Variants in SLC49A4 observed in about 807,000 individuals in gnomAD.
SLC49A4 encodes disrupted in renal cancer protein 2.
Under a neutral mutation model 50.6 loss-of-function variants are expected in SLC49A4, and 36 were observed. The observed-to-expected ratio is 0.71, with a 90% confidence interval of 0.55 to 0.94. SLC49A4 has a LOEUF of 0.94. Ranked by LOEUF, SLC49A4 falls within the 40% of genes least tolerant of loss-of-function variation. The probability of loss-of-function intolerance (pLI) is 0.00; values close to 1 mark genes in which losing one functional copy is unlikely to be tolerated. For synonymous variants in SLC49A4, 248 were observed against 241.2 expected (o/e 1.03, Z -0.26); for missense variants, 503 against 605.7 (o/e 0.83, Z 1.78).
intron 4 of SLC49A4, among the ~76,000 whole-genome samples, chr3:122,839,131 A>G (rs1416032737): frequency 2.0e-5 from 3 of 152,230 alleles, no homozygotes; most frequent in South Asian, 4.1e-4. Flanking sequence ...ATACAAAAAC[A>G]TAAATTGGAG....
rs556602174 is a variant in SLC49A4, at chr3:122,837,963, A to G, written c.833+4517A>G. On this transcript the variant is annotated intron_variant, in intron 4 of 8. Coordinates refer to ENST00000261038, the MANE Select transcript of SLC49A4 (RefSeq NM_032839.3). ...CCAAAAAACACATGAAAAAATGCTC[A>G]TCATCACTGGCCATCAGAGAAATGC... Among the ~76,000 whole-genome samples, 32 of 152,320 alleles carry G rather than the reference A, an allele frequency of 2.1e-4. No individual in the cohort carries two copies. The South Asian group carries it at 6.0e-3, about 29-fold the overall frequency.
At chr3:122,798,323 CT>C (rs145374258) in intron 1 of SLC49A4, among the ~76,000 whole-genome samples, 7,662 of 152,186 alleles carry the variant, frequency 0.05, 265 homozygotes, top group Middle Eastern at 0.097. Context: ...AATTTGCACC[CT>C]TCTTATTATA....
chr3:122,838,311 A>G (rs1246892898), intron 4 of SLC49A4, among the ~76,000 whole-genome samples: 8 of 152,128 alleles, frequency 5.3e-5, no homozygotes, highest in South Asian at 4.1e-4. Flanking sequence ...CAACCTAAAT[A>G]TCCAACAACG....
chr3:122,795,423 C>T lies in SLC49A4; in HGVS notation c.231C>T (p.Asn77=). Residue 77 remains asparagine (N), a synonymous_variant, in exon 1 of 9, where the codon AAC becomes AAT. Coordinates refer to ENST00000261038, the MANE Select transcript of SLC49A4 (RefSeq NM_032839.3). ...GGAACACCTGGGGTCCCATCCAGAA[C>T]TCGGCGCGCCAGGCCTACGGCTTCT... The part of the protein sequence containing the change: ...LVWNTWGPIQ[N]SARQAYGFSS... The T allele has an allele frequency of 1.9e-6, 3 of 1,608,074 alleles. No individual in the cohort carries two copies. The highest frequency in any genetic ancestry group is 1.7e-6 in the Non-Finnish European group (2 of 1,179,022).
chr3:122,871,730 C>G (rs1937199236), intron 7 of SLC49A4, among the ~76,000 whole-genome samples: 2 of 152,004 alleles, frequency 1.3e-5, no homozygotes, highest in Admixed American at 1.3e-4. Context: ...TAGTATATTT[C>G]CCCAGACTTT....
chr3:122,857,005 T>C lies in SLC49A4; in HGVS notation c.1010+631T>C, dbSNP rs553962165. On this transcript the variant is annotated intron_variant, in intron 6 of 8. Transcript: ENST00000261038. ...CAAATGGAGACCAAAAAAGGTAATA[T>C]AATAATAAAGACAAATTAATAGCTG... is the stretch of plus-strand genomic sequence containing the variant. Among the ~76,000 whole-genome samples the C allele has an allele frequency of 2.0e-5, 3 of 152,068 alleles. No homozygotes were observed. The South Asian group carries it at 6.2e-4, about 32-fold the overall frequency.
intron 2 of SLC49A4, among the ~76,000 whole-genome samples, chr3:122,809,104 C>G (rs1027491768): frequency 1.3e-5 from 2 of 152,096 alleles, no homozygotes; most frequent in African/African-American, 4.8e-5. Context: ...ATTTCAGGGA[C>G]AAGATGTTGA....
chr3:122,875,475 C>T (rs1207754714), intron 8 of SLC49A4, among the ~76,000 whole-genome samples: 2 of 152,112 alleles, frequency 1.3e-5, no homozygotes, highest in Admixed American at 1.3e-4. Flanking sequence ...CTCAGCCTCC[C>T]AAGTAGCTGG....
chr3:122,879,513 G>A lies in SLC49A4; in HGVS notation c.*135G>A. Reference sequence around the variant, plus strand: ...CATTCAGAGGTTTTGTTAGGTTACAGATTATCACATTAATTTAATTACTAC... The same window carrying A: ...CATTCAGAGGTTTTGTTAGGTTACAAATTATCACATTAATTTAATTACTAC... On this transcript the variant is annotated 3_prime_UTR_variant, in exon 9 of 9. Transcript: ENST00000261038. 1.5e-6 allele frequency: 1 copy of A among 666,324 alleles called. No individual in the cohort carries two copies. The highest frequency in any genetic ancestry group is 2.6e-6 in the Non-Finnish European group (1 of 386,212). The allele number at this position is 666,324 out of a possible 1,614,324, so 41.3% of individuals were successfully genotyped here. A position where few individuals can be genotyped will look rare whatever the true frequency, so the allele number is the denominator to read the frequency against.
At chr3:122,832,717 G>A (rs1936623562) in intron 3 of SLC49A4, among the ~76,000 whole-genome samples, 1 of 152,002 alleles carries the variant, frequency 6.6e-6, no homozygotes, top group Non-Finnish European at 1.5e-5. Context: ...GACAACATTT[G>A]TTTACTTCCT....
intron 2 of SLC49A4, among the ~76,000 whole-genome samples, chr3:122,809,035 G>C (rs1418802326): frequency 6.6e-6 from 1 of 152,070 alleles, no homozygotes; most frequent in Non-Finnish European, 1.5e-5. Context: ...TTCACTCGAG[G>C]GACTCTGAAA....
chr3:122,851,291 G>C (rs1936921975), intron 5 of SLC49A4, among the ~76,000 whole-genome samples: 1 of 152,000 alleles, frequency 6.6e-6, no homozygotes, highest in Non-Finnish European at 1.5e-5. Flanking sequence ...GCACCCATTA[G>C]TGTTTTTGTT....
chr3:122,838,638 A>G (rs1936726322), intron 4 of SLC49A4, among the ~76,000 whole-genome samples: 1 of 152,090 alleles, frequency 6.6e-6, no homozygotes, highest in African/African-American at 2.4e-5. Context: ...GCACACCAAC[A>G]TGGCACATGT....
chr3:122,830,276 A>G (rs1936590016), intron 3 of SLC49A4, among the ~76,000 whole-genome samples: 2 of 152,194 alleles, frequency 1.3e-5, no homozygotes, highest in Admixed American at 1.3e-4. Context: ...AATCCCTTTA[A>G]AAATCCCAGC....
intron 2 of SLC49A4, among the ~76,000 whole-genome samples, chr3:122,807,467 G>C (rs1225546919): frequency 6.6e-6 from 1 of 152,088 alleles, no homozygotes; most frequent in Non-Finnish European, 1.5e-5. Context: ...GGGGTGGATA[G>C]GTAGTCTTAT....
intron 4 of SLC49A4, among the ~76,000 whole-genome samples, chr3:122,841,366 T>C (rs1936766791): frequency 6.6e-6 from 1 of 152,178 alleles, no homozygotes; most frequent in Non-Finnish European, 1.5e-5. Flanking sequence ...AATACACAAA[T>C]TACAATGTCA....
At position 122,860,155 on chromosome 3, in the gene SLC49A4, T is replaced by C; in HGVS notation, c.1091T>C (p.Phe364Ser). 1 of 1,613,500 alleles carries C rather than the reference T, an allele frequency of 6.2e-7. No homozygotes were observed. Among genetic ancestry groups the C allele is most frequent in the Non-Finnish European group, 8.5e-7 (1 of 1,179,618 alleles). The change falls in exon 7 of 9, where the codon TTC becomes TCC. Residue 364 changes from phenylalanine (F) to serine (S), a missense_variant. Phe to Ser is a radical substitution (Grantham distance 155). Transcript: ENST00000261038. ...FSGATLSSTW[F>S]TLTCLNSITH... ...GGAGCTACACTGTCATCCACGTGGT[T>C]CACCCTGACCTGTTTGAACAGCATC...
intron 4 of SLC49A4, among the ~76,000 whole-genome samples, chr3:122,843,179 A>G (rs879380712): frequency 2.6e-5 from 4 of 152,084 alleles, no homozygotes; most frequent in Non-Finnish European, 4.4e-5. Flanking sequence ...TGTGCATATC[A>G]TTCTGTTTGA....
chr3:122,832,586 T>C (rs1406209475), intron 3 of SLC49A4, among the ~76,000 whole-genome samples: 1 of 152,188 alleles, frequency 6.6e-6, no homozygotes, highest in Non-Finnish European at 1.5e-5. Flanking sequence ...AAACCTCCTA[T>C]CCTGTTATTT....
Sources: allele counts gnomAD v4.1 joint callset (sites outside exome capture counted in the v4.1 genomes callset), GRCh38; gene constraint gnomAD v4.1.1; transcripts MANE v1.5; gene names NCBI Gene and HGNC (gene_info 2026-07-23, HGNC 2026-07-21).